ARHGEF4: variants seen among roughly 807,000 people sequenced by gnomAD.
ARHGEF4 encodes the protein APC-stimulated guanine nucleotide exchange factor 1.
Under a neutral mutation model 162.0 loss-of-function variants are expected in ARHGEF4, and 119 were observed. The observed-to-expected ratio is 0.73, with a 90% CI of 0.63 to 0.86. The LOEUF (loss-of-function observed/expected upper bound fraction) is 0.86. Among genes scored for constraint, ARHGEF4 ranks in the 40% least tolerant of loss-of-function variants. ARHGEF4 has a pLI of 0.00. For synonymous variants in ARHGEF4, 1,014 were observed against 979.9 expected (o/e 1.03, Z -0.65); for missense variants, 2,488 against 2,456.0 (o/e 1.01, Z -0.28).
At chr2:130,991,483 G>C (rs577423195) in intron 4 of ARHGEF4, among the ~76,000 whole-genome samples, 1 of 152,332 alleles carries the variant, frequency 6.6e-6, no homozygotes, top group South Asian at 2.1e-4. Context: ...TGTGTGCGGC[G>C]CTTGCGGGCC....
intron 1 of ARHGEF4, among the ~76,000 whole-genome samples, chr2:130,898,984 G>T (rs549937165): frequency 1.3e-5 from 2 of 152,186 alleles, no homozygotes; most frequent in East Asian, 3.9e-4. Flanking sequence ...CCCGAGCGTG[G>T]AATTCTCTAT....
At chr2:130,967,462 C>T (rs4131176) in intron 4 of ARHGEF4, among the ~76,000 whole-genome samples, 14 of 152,164 alleles carry the variant, frequency 9.2e-5, no homozygotes, top group East Asian at 1.9e-4. Flanking sequence ...ATTCTCTCTT[C>T]GGGCTTCTGG....
At chr2:131,012,583 G>A (rs948052492) in intron 4 of ARHGEF4, among the ~76,000 whole-genome samples, 1 of 151,880 alleles carries the variant, frequency 6.6e-6, no homozygotes, top group African/African-American at 2.4e-5. Flanking sequence ...TGTGTTGGGG[G>A]GTGGGGGAGG....
At chr2:130,906,191 A>G (rs1317146456) in intron 1 of ARHGEF4, among the ~76,000 whole-genome samples, 2 of 152,164 alleles carry the variant, frequency 1.3e-5, no homozygotes, top group Non-Finnish European at 2.9e-5. Context: ...CCTGGCATCA[A>G]CCACTTCTTC....
At chr2:130,877,806 T>C (rs986869183) in intron 1 of ARHGEF4, among the ~76,000 whole-genome samples, 2 of 152,208 alleles carry the variant, frequency 1.3e-5, no homozygotes, top group African/African-American at 4.8e-5. Context: ...TTCACCACTA[T>C]CTGACATGTA....
rs960090577 is a variant in ARHGEF4 at position 130,916,337 on chromosome 2, G to A, written c.2391G>A (p.Val797=). The A allele has an allele frequency of 1.9e-6, 3 of 1,543,178 alleles. No homozygotes were observed. In the Admixed American group the frequency reaches 5.9e-5, roughly 30 times the overall value. The change falls in exon 2 of 14, where the codon GTG becomes GTA. Residue 797 remains valine, a synonymous_variant. Coordinates refer to ENST00000409359, the MANE Select transcript of ARHGEF4 (RefSeq NM_001367493.1). ...GGAAGCGCCCGACGTTTTCCAAGGT[G>A]ACCTCCTTCAGGAAGGGCAGGCCCT... ...EPGKRPTFSK[V]TSFRKGRPLA...
intron 1 of ARHGEF4, among the ~76,000 whole-genome samples, chr2:130,842,770 T>C (rs1463105463): frequency 6.6e-6 from 1 of 152,200 alleles, no homozygotes; most frequent in Non-Finnish European, 1.5e-5. Context: ...TGCAGATCTC[T>C]TACCCGCAGG....
chr2:130,979,658 C>T (rs1475299226), intron 4 of ARHGEF4, among the ~76,000 whole-genome samples: 1 of 150,590 alleles, frequency 6.6e-6, no homozygotes, highest in African/African-American at 2.4e-5. Context: ...ATGGCTTGAA[C>T]CCAGGAGGTG....
intron 1 of ARHGEF4, among the ~76,000 whole-genome samples, chr2:130,891,820 G>A (rs1162449758): frequency 1.3e-5 from 2 of 152,026 alleles, no homozygotes; most frequent in African/African-American, 4.8e-5. Flanking sequence ...TGGGTACTGG[G>A]GCTTTGACAC....
At chr2:130,992,453 A>G (rs1687081661) in intron 4 of ARHGEF4, among the ~76,000 whole-genome samples, 4 of 151,892 alleles carry the variant, frequency 2.6e-5, no homozygotes, top group African/African-American at 9.7e-5. Flanking sequence ...ACCGGGAGGA[A>G]CAAACAACTC....
At chr2:130,911,247 G>A (rs1681165121) in intron 1 of ARHGEF4, among the ~76,000 whole-genome samples, 1 of 152,194 alleles carries the variant, frequency 6.6e-6, no homozygotes, top group Non-Finnish European at 1.5e-5. Flanking sequence ...TTTCTTACAG[G>A]AGACAGGCTC....
At chr2:130,993,958 T>G (rs1263997086) in intron 4 of ARHGEF4, among the ~76,000 whole-genome samples, 1 of 152,126 alleles carries the variant, frequency 6.6e-6, no homozygotes, top group African/African-American at 2.4e-5. Context: ...TTTTGTATTT[T>G]TAGTAGAGAT....
chr2:130,872,634 G>T (rs1157100011), intron 1 of ARHGEF4, among the ~76,000 whole-genome samples: 1 of 152,140 alleles, frequency 6.6e-6, no homozygotes, highest in Admixed American at 6.5e-5. Context: ...CTTTTAATGG[G>T]GTTTCTAAAG....
chr2:130,837,363 C>G (rs1435360837), intron 1 of ARHGEF4: 1 of 336,818 alleles, frequency 3.0e-6, no homozygotes, highest in African/African-American at 2.3e-5. Context: ...GCAGGGCACT[C>G]GGAGCCTCTG....
intron 4 of ARHGEF4, among the ~76,000 whole-genome samples, chr2:130,992,671 G>A (rs924697922): frequency 2.0e-5 from 3 of 152,210 alleles, no homozygotes; most frequent in African/African-American, 4.8e-5. Flanking sequence ...TAAAGTCAGT[G>A]AGACCAAGAA....
intron 4 of ARHGEF4, among the ~76,000 whole-genome samples, chr2:131,021,459 C>T (rs948471723): frequency 1.3e-5 from 2 of 152,110 alleles, no homozygotes; most frequent in African/African-American, 4.8e-5. Flanking sequence ...CCCTTCCTTA[C>T]ACCTTATACA....
At chr2:130,873,224 A>G (rs550708313) in intron 1 of ARHGEF4, among the ~76,000 whole-genome samples, 2 of 146,402 alleles carry the variant, frequency 1.4e-5, no homozygotes, top group African/African-American at 4.9e-5. Context: ...CACACCTCAT[A>G]TGGTTGTCAT....
chr2:131,020,170 C>A (rs1466119289), intron 4 of ARHGEF4, among the ~76,000 whole-genome samples: 3 of 151,960 alleles, frequency 2.0e-5, no homozygotes, highest in Non-Finnish European at 4.4e-5. Context: ...ATGTGGATGT[C>A]CTTTATTCTT....
intron 4 of ARHGEF4, among the ~76,000 whole-genome samples, chr2:130,978,112 G>A (rs1178125227): frequency 6.6e-6 from 1 of 152,190 alleles, no homozygotes. Flanking sequence ...CAAGTTTCAA[G>A]CTTTAACAGC....
Sources: gnomAD v4.1 joint callset for allele counts (sites outside exome capture counted in the v4.1 genomes callset) on GRCh38, gnomAD v4.1.1 for gene constraint, MANE v1.5 for transcripts, NCBI Gene and HGNC (gene_info 2026-07-23, HGNC 2026-07-21) for gene names.